RRM1: variants seen among roughly 807,000 people sequenced by gnomAD.
The protein encoded by RRM1 is ribonucleotide reductase catalytic subunit M1.
A neutral mutation model predicts 101.5 loss-of-function variants in RRM1; 19 were observed. The ratio of observed to expected loss-of-function variants is 0.19; its 90% CI spans 0.13 to 0.27. The LOEUF is 0.27. Among genes scored for constraint, RRM1 ranks in the 10% least tolerant of loss-of-function variants. The pLI is 1.00. For missense variants in RRM1, 500 were observed against 962.9 expected (o/e 0.52, Z 6.36); for synonymous variants, 298 against 323.4 (o/e 0.92, Z 0.84).
At chr11:4,101,370 T>C (rs2094550643) in intron 1 of RRM1, among the ~76,000 whole-genome samples, 1 of 151,886 alleles carries the variant, frequency 6.6e-6, no homozygotes, top group Non-Finnish European at 1.5e-5. Context: ...TGGAATGCAA[T>C]GGCGTGATCT....
In RRM1 at chr11:4,107,553, C is replaced by G. The variant is rs2094559954; in HGVS notation, c.387+18C>G. ...ATAAAGATGTATGTATAACACTTAT[C>G]TGGTGGAAATTTTTTGAGAGTCTTT... On this transcript the variant is annotated intron_variant, in intron 4 of 18. Coordinates refer to ENST00000300738, the MANE Select transcript of RRM1 (RefSeq NM_001033.5). 3 of 1,530,714 alleles carry G rather than the reference C, an allele frequency of 2.0e-6. No homozygotes were observed. The highest frequency in any genetic ancestry group is 1.8e-6 in the Non-Finnish European group (2 of 1,112,242). 94.8% of individuals were successfully genotyped at this position (1,530,714 alleles called of 1,614,324 possible).
Position 4,094,991 on chromosome 11 carries a change from A to C in RRM1, c.-22A>C. ...GCCGCAGTCCAGTCTTGGATCCTTCAGAGCCTCAGCCACTAGCTGCGATGC... is the reference window on the plus strand; with the variant it reads ...GCCGCAGTCCAGTCTTGGATCCTTCCGAGCCTCAGCCACTAGCTGCGATGC... On this transcript the variant is annotated 5_prime_UTR_variant, in exon 1 of 19. Transcript: ENST00000300738. 6.4e-7 allele frequency: 1 copy of C among 1,560,146 alleles called. No homozygotes were observed. Among genetic ancestry groups the C allele is most frequent in the Non-Finnish European group, 8.7e-7 (1 of 1,152,018 alleles).
Position 4,094,991 on chromosome 11 carries a change from A to G in RRM1, c.-22A>G. 2 of 1,560,146 alleles carry G rather than the reference A, an allele frequency of 1.3e-6. No individual in the cohort carries two copies. The highest frequency in any genetic ancestry group is 2.4e-5 in the South Asian group (2 of 84,524). Reference sequence around the variant, plus strand: ...GCCGCAGTCCAGTCTTGGATCCTTCAGAGCCTCAGCCACTAGCTGCGATGC... The same window carrying G: ...GCCGCAGTCCAGTCTTGGATCCTTCGGAGCCTCAGCCACTAGCTGCGATGC... On this transcript the variant is annotated 5_prime_UTR_variant, in exon 1 of 19. Coordinates refer to ENST00000300738, the MANE Select transcript of RRM1 (RefSeq NM_001033.5).
chr11:4,100,431 T>C (rs1424254578), intron 1 of RRM1, among the ~76,000 whole-genome samples: 1 of 152,246 alleles, frequency 6.6e-6, no homozygotes, highest in Non-Finnish European at 1.5e-5. Flanking sequence ...TACTTACTGG[T>C]TGGGCATCCC....
At chr11:4,121,441 A>G in intron 9 of RRM1, 163 bp from the exon 10 acceptor site, 1 of 471,842 alleles carries the variant, frequency 2.1e-6, no homozygotes, top group South Asian at 5.5e-5. Context: ...TATTACTTTT[A>G]CAATTATATA....
At chr11:4,112,847 A>G (rs938404231) in intron 7 of RRM1, among the ~76,000 whole-genome samples, 12 of 152,202 alleles carry the variant, frequency 7.9e-5, no homozygotes, top group Non-Finnish European at 1.6e-4. Flanking sequence ...CACATCTGTA[A>G]TTCCAACACT....
chr11:4,128,304 G>A (rs764445874), intron 14 of RRM1, among the ~76,000 whole-genome samples: 1 of 152,058 alleles, frequency 6.6e-6, no homozygotes, highest in East Asian at 1.9e-4. Context: ...TAGAGATGGG[G>A]TTTTGCCATG....
chr11:4,110,202 G>T (rs914254350), intron 5 of RRM1, among the ~76,000 whole-genome samples: 4 of 152,054 alleles, frequency 2.6e-5, no homozygotes, highest in African/African-American at 9.7e-5. Context: ...GACTAGGCTG[G>T]AGTGCAGTGG....
intron 4 of RRM1, 38 bp downstream of exon 4, chr11:4,107,573 G>A (rs1344837692): frequency 7.4e-7 from 1 of 1,349,896 alleles, no homozygotes; most frequent in East Asian, 2.3e-5. Context: ...TTTTTTGAGA[G>A]TCTTTTTTAA....
At chr11:4,111,226 C>T (rs191495671) in intron 5 of RRM1, among the ~76,000 whole-genome samples, 3 of 151,352 alleles carry the variant, frequency 2.0e-5, no homozygotes, top group South Asian at 2.1e-4. Context: ...GCTAACATGA[C>T]GAAACCCTGT....
Position 4,132,347 on chromosome 11 carries a change from C to T in RRM1, c.1831C>T (p.Leu611=). ...PMPTASTAQI[L]GNNESIEPYT... ...GCCTACAGCTTCCACTGCTCAGATC[C>T]TGGGGAATAATGAGTCCATTGAACC... is the stretch of plus-strand genomic sequence containing the variant. Residue 611 remains leucine (L), a synonymous_variant, in exon 16 of 19, where the codon CTG becomes TTG. Transcript: ENST00000300738. The surrounding 1 kb of genome is among the most constrained non-coding windows in gnomAD (Gnocchi z 4.1). 1 of 1,614,050 alleles carries T rather than the reference C, an allele frequency of 6.2e-7. No individual in the cohort carries two copies.
At chr11:4,127,281 T>C (rs2094591378) in intron 14 of RRM1, 25 bp downstream of exon 14, 1 of 1,498,704 alleles carries the variant, frequency 6.7e-7, no homozygotes, top group East Asian at 2.3e-5. Context: ...GGAATTGTTT[T>C]TGCCTGTGAG....
chr11:4,138,308 A>T lies in RRM1; in HGVS notation c.2304A>T (p.Glu768Asp). 6.2e-7 allele frequency: 1 copy of T among 1,613,018 alleles called. No individual in the cohort carries two copies. The highest frequency in any genetic ancestry group is 8.5e-7 in the Non-Finnish European group (1 of 1,179,354). Residue 768 changes from glutamate to aspartate, a missense_variant, in exon 19 of 19, where the codon GAA becomes GAT. Coordinates refer to ENST00000300738, the MANE Select transcript of RRM1 (RefSeq NM_001033.5). The stretch of plus-strand genomic sequence containing the variant: ...AAGAAAAGGTATCAAAAGAGGAAGA[A>T]GAGAAGGAGAGGAACACAGCAGCCA... Reference protein sequence around the residue: ...KDKEKVSKEEEEKERNTAAMV... With the variant: ...KDKEKVSKEEDEKERNTAAMV...
rs1005614736 is a variant in RRM1, at chr11:4,112,018, G to A, written c.606G>A (p.Ser202=). 3 of 1,613,920 alleles carry A rather than the reference G, an allele frequency of 1.9e-6. No homozygotes were observed. Among genetic ancestry groups the A allele is most frequent in the African/African-American group, 1.3e-5 (1 of 74,900 alleles). ...LLSERWFTHA[S]PTLFNAGTNR... The stretch of plus-strand genomic sequence containing the variant: ...CTGAGAGGTGGTTTACTCATGCTTC[G>A]CCCACTCTCTTCAATGCTGGTACCA... The change falls in exon 7 of 19, where the codon TCG becomes TCA. Residue 202 remains serine, a synonymous_variant. Transcript: ENST00000300738.
chr11:4,106,747 C>CATAA (rs528821128), intron 3 of RRM1, among the ~76,000 whole-genome samples: 2,039 of 151,720 alleles, frequency 0.013, 34 homozygotes, highest in African/African-American at 0.04. Context: ...GACTCCGTCT[C>CATAA]ATAAATAAAT....
At position 4,138,358 on chromosome 11, in the gene RRM1, A is replaced by G; in HGVS notation, c.2354A>G (p.Asp785Gly). The change falls in exon 19 of 19, where the codon GAT becomes GGT. Residue 785 changes from aspartate (D) to glycine (G), a missense_variant. Physicochemically the swap from Asp to Gly is moderately conservative, Grantham distance 94. This residue lies in a region of RRM1 where 33 missense variants were observed against 40.7 expected (regional missense o/e 0.81). Transcript: ENST00000300738. The part of the protein sequence containing the change: ...AAMVCSLENR[D>G]ECLMCGS ...ATGGTGTGCTCTTTGGAGAATAGAG[A>G]TGAATGTCTGATGTGTGGATCCTGA... 3.7e-6 allele frequency: 6 copies of G among 1,608,630 alleles called. No individual in the cohort carries two copies. The East Asian group carries it at 9.0e-5, about 24-fold the overall frequency.
chr11:4,117,688 A>G (rs2094575606), intron 7 of RRM1, among the ~76,000 whole-genome samples: 2 of 152,360 alleles, frequency 1.3e-5, no homozygotes, highest in Admixed American at 6.5e-5. Flanking sequence ...TATTTGTTAC[A>G]TCATTCTCTA....
At chr11:4,106,290 A>G (rs754002526) in intron 3 of RRM1, 67 bp downstream of exon 3, 53 of 1,354,634 alleles carry the variant, frequency 3.9e-5, no homozygotes, top group African/African-American at 2.5e-4. Context: ...CTAGAAATAA[A>G]TCTTGACTGT....
intron 5 of RRM1, among the ~76,000 whole-genome samples, chr11:4,110,972 G>A (rs1377113624): frequency 1.3e-5 from 2 of 151,984 alleles, no homozygotes; most frequent in African/African-American, 4.8e-5. Flanking sequence ...CTTTTTAAGT[G>A]TTAGCTGTTG....
Sources: allele counts gnomAD v4.1 joint callset (sites outside exome capture counted in the v4.1 genomes callset), GRCh38; gene constraint gnomAD v4.1.1; regional missense constraint gnomAD v4.1.1; non-coding constraint Gnocchi (gnomAD v3.1); transcripts MANE v1.5; gene names NCBI Gene and HGNC (gene_info 2026-07-23, HGNC 2026-07-21).